Variants in SATL1 observed in about 807,000 individuals in gnomAD.
SATL1 encodes spermidine/spermine N(1)-acetyltransferase-like protein 1.
SATL1 carries 47 observed loss-of-function variants against 51.8 expected under a neutral mutation model. The observed-to-expected ratio is 0.91, with a 90% CI of 0.72 to 1.16. The LOEUF is 1.16. Among genes scored for constraint, SATL1 ranks in the 50% most tolerant of loss-of-function variants. The probability of loss-of-function intolerance (pLI) is 0.00; values close to 1 mark genes in which losing one functional copy is unlikely to be tolerated. For missense variants in SATL1, 520 were observed against 526.4 expected, an observed-to-expected ratio of 0.99 and a Z score of 0.12; for synonymous variants, 176 against 182.4, an observed-to-expected ratio of 0.97 and a Z score of 0.28.
intron 1 of SATL1, among the ~76,000 whole-genome samples, chrX:85,242,987 G>T (rs1298135185): frequency 9.0e-6 from 1 of 111,529 alleles, no homozygotes; most frequent in African/African-American, 3.3e-5. Context: ...TTACTATCCG[G>T]CCCTTCATAG....
intron 2 of SATL1, among the ~76,000 whole-genome samples, chrX:85,144,450 C>A (rs764831599): frequency 9.0e-6 from 1 of 111,502 alleles, no homozygotes. Flanking sequence ...CAAACATACT[C>A]GGATACTCAG....
At chrX:85,130,949 G>A (rs1018065162) in intron 2 of SATL1, among the ~76,000 whole-genome samples, 29 of 111,944 alleles carry the variant, frequency 2.6e-4, no homozygotes, top group Admixed American at 5.7e-4. Context: ...CCATGTAGTT[G>A]TGCGGTTTTG....
chrX:85,154,057 A>C (rs754396764), intron 2 of SATL1: 1 of 112,084 alleles, frequency 8.9e-6, no homozygotes, highest in East Asian at 2.8e-4. Flanking sequence ...TCGTAATTAA[A>C]TTCTAACAAA....
At chrX:85,134,746 A>T (rs1335416755) in intron 2 of SATL1, among the ~76,000 whole-genome samples, 2 of 111,719 alleles carry the variant, frequency 1.8e-5, no homozygotes, top group Non-Finnish European at 3.8e-5. Context: ...AAGTCTGAAG[A>T]TAACAAAATG....
chrX:85,136,943 C>A (rs1012510740), intron 2 of SATL1, among the ~76,000 whole-genome samples: 1 of 111,819 alleles, frequency 8.9e-6, no homozygotes, highest in African/African-American at 3.3e-5. Flanking sequence ...CCCCTCTCCC[C>A]ATCTCTGTCT....
At chrX:85,217,441 G>C (rs1164602279) in intron 2 of SATL1, among the ~76,000 whole-genome samples, 1 of 111,158 alleles carries the variant, frequency 9.0e-6, no homozygotes, top group African/African-American at 3.3e-5. Context: ...GGCAAAATAA[G>C]ACAAAAAGTT....
chrX:85,149,677 A>G (rs1926367007), intron 2 of SATL1, among the ~76,000 whole-genome samples: 1 of 111,704 alleles, frequency 9.0e-6, no homozygotes, highest in African/African-American at 3.3e-5. Context: ...AAACCACTCA[A>G]CTACATGGAA....
Position 85,148,011 on chromosome X carries a change from C to T in SATL1, c.-312-38731G>A, listed in dbSNP as rs374827120. 9.2e-3 allele frequency among the ~76,000 whole-genome samples: 1,015 copies of T among 110,576 alleles called. 15 individuals carry two copies. Among genetic ancestry groups the T allele is most frequent in the African/African-American group, 0.031 (955 of 30,543 alleles). On this transcript the variant is annotated intron_variant, in intron 2 of 7. Transcript: ENST00000644105. Reference sequence around the variant, plus strand: ...TGAGTTGAGAGAAGAAGGCTTCAGACGATCAAACTACTCCAAGCTACAGGA... The same window carrying T: ...TGAGTTGAGAGAAGAAGGCTTCAGATGATCAAACTACTCCAAGCTACAGGA...
rs1231736804 is a variant in SATL1, at chrX:85,209,771, T to C, written c.-313+14434A>G. ...TAGCGGTCTACCAATTTTGTTGATC[T>C]TTTCAAAAAACCAGCTCCTGGATTC... On this transcript the variant is annotated intron_variant, in intron 2 of 7. Transcript: ENST00000644105. The C allele has an allele frequency of 3.6e-5, 4 of 110,667 alleles. No individual in the cohort carries two copies. The East Asian group carries it at 1.1e-3, about 32-fold the overall frequency. 9.1% of individuals were successfully genotyped at this position (110,667 alleles called of 1,213,427 possible). A position where few individuals can be genotyped will look rare whatever the true frequency, so the allele number is the denominator to read the frequency against.
rs757163831 is a variant in SATL1 at position 85,092,581 on chromosome X, C to T, written c.1918-20G>A. Reference sequence around the variant, plus strand: ...GGCTATCTGTTTAAAAACAAACAAGCAAATATTACTTTCATTTGAAAGTAT... The same window carrying T: ...GGCTATCTGTTTAAAAACAAACAAGTAAATATTACTTTCATTTGAAAGTAT... On this transcript the variant is annotated intron_variant, in intron 7 of 7. Coordinates refer to ENST00000644105, the MANE Select transcript of SATL1 (RefSeq NM_001367857.2). 1 of 1,178,739 alleles carries T rather than the reference C, an allele frequency of 8.5e-7. No individual in the cohort carries two copies. The highest frequency in any genetic ancestry group is 1.8e-5 in the African/African-American group (1 of 56,396).
intron 2 of SATL1, among the ~76,000 whole-genome samples, chrX:85,176,085 A>G (rs1015241208): frequency 8.9e-6 from 1 of 111,928 alleles, no homozygotes; most frequent in East Asian, 2.8e-4. Flanking sequence ...TAAAGGATCA[A>G]CAACTTATTT....
At chrX:85,137,077 G>T (rs964860238) in intron 2 of SATL1, among the ~76,000 whole-genome samples, 1 of 111,361 alleles carries the variant, frequency 9.0e-6, no homozygotes, top group Non-Finnish European at 1.9e-5. Flanking sequence ...CCACAAAGAG[G>T]CAGAAAAGCG....
intron 2 of SATL1, among the ~76,000 whole-genome samples, chrX:85,168,860 C>G (rs962024579): frequency 3.6e-5 from 4 of 111,404 alleles, no homozygotes; most frequent in Non-Finnish European, 7.6e-5. Flanking sequence ...TCACATTACC[C>G]AACTTCAAAC....
In SATL1 at chrX:85,131,895, T is replaced by C. The variant is rs982159287; in HGVS notation, c.-312-22615A>G. Among the ~76,000 whole-genome samples the C allele has an allele frequency of 7.2e-5, 8 of 111,674 alleles. No individual in the cohort carries two copies. The Admixed American group carries it at 7.6e-4, about 11-fold the overall frequency. On this transcript the variant is annotated intron_variant, in intron 2 of 7. Transcript: ENST00000644105. ...CTTGTCTGTAAAGTATTTTATTTCT[T>C]CTTCACTTATGAAGCTTAGTTTGGC...
intron 2 of SATL1, among the ~76,000 whole-genome samples, chrX:85,110,650 T>C (rs1925238562): frequency 9.0e-6 from 1 of 111,468 alleles, no homozygotes; most frequent in Non-Finnish European, 1.9e-5. Flanking sequence ...ATCCCATAGA[T>C]AGAAGCTTTC....
intron 2 of SATL1, among the ~76,000 whole-genome samples, chrX:85,146,213 T>C (rs1926235624): frequency 8.9e-6 from 1 of 112,020 alleles, no homozygotes; most frequent in African/African-American, 3.2e-5. Context: ...TATATTCTTA[T>C]AATTACTCTA....
chrX:85,128,630 G>A (rs1925692016), intron 2 of SATL1, among the ~76,000 whole-genome samples: 1 of 112,003 alleles, frequency 8.9e-6, no homozygotes, highest in African/African-American at 3.3e-5. Flanking sequence ...TTCTTTTGCT[G>A]TGCAGAAGCT....
chrX:85,158,285 A>G (rs914042899), intron 2 of SATL1, among the ~76,000 whole-genome samples: 4 of 111,542 alleles, frequency 3.6e-5, no homozygotes, highest in African/African-American at 1.3e-4. Flanking sequence ...GAGACTACAT[A>G]TTTGCTACCT....
At chrX:85,178,758 G>A (rs1427877088) in intron 2 of SATL1, among the ~76,000 whole-genome samples, 1 of 111,011 alleles carries the variant, frequency 9.0e-6, no homozygotes, top group Non-Finnish European at 1.9e-5. Flanking sequence ...AGCATTTGAT[G>A]ATCTTTGTTA....
Sources: allele counts gnomAD v4.1 joint callset (sites outside exome capture counted in the v4.1 genomes callset), GRCh38; gene constraint gnomAD v4.1.1; transcripts MANE v1.5; gene names NCBI Gene and HGNC (gene_info 2026-07-23, HGNC 2026-07-21).